HECTD2: variants seen among roughly 807,000 people sequenced by gnomAD.
The protein encoded by HECTD2 is HECT domain E3 ubiquitin protein ligase 2, also known as probable E3 ubiquitin-protein ligase HECTD2.
In HECTD2, 35 loss-of-function variants were observed where a neutral mutation model predicts 103.2. That is an observed-to-expected ratio of 0.34 (90% CI 0.26 to 0.45). HECTD2 has a LOEUF of 0.45. Among genes scored for constraint, HECTD2 ranks in the 20% least tolerant of loss-of-function variants. The pLI, the probability that HECTD2 is intolerant of heterozygous loss-of-function variation, is 1.00. For synonymous variants in HECTD2, 281 were observed against 329.9 expected, an observed-to-expected ratio of 0.85 and a Z score of 1.61; for missense variants, 596 against 937.4, an observed-to-expected ratio of 0.64 and a Z score of 4.76.
chr10:91,468,776 A>T (rs552554241), intron 5 of HECTD2, among the ~76,000 whole-genome samples: 19 of 152,140 alleles, frequency 1.2e-4, no homozygotes, highest in East Asian at 1.2e-3. Context: ...ACAAAAAAAA[A>T]TTTTTTTAAG....
chr10:91,494,507 GTCTT>G (rs1292082110), intron 14 of HECTD2, among the ~76,000 whole-genome samples: 1 of 151,962 alleles, frequency 6.6e-6, no homozygotes, highest in African/African-American at 2.4e-5. Context: ...TTGAATGTCT[GTCTT>G]TGTTACATCT....
intron 8 of HECTD2, among the ~76,000 whole-genome samples, chr10:91,483,800 GT>G (rs532422836): frequency 6.6e-6 from 1 of 151,464 alleles, no homozygotes; most frequent in Non-Finnish European, 1.5e-5. Flanking sequence ...CTTTATGAGT[GT>G]TTTTTTTAAA....
intron 7 of HECTD2, among the ~76,000 whole-genome samples, chr10:91,481,840 C>G (rs917320254): frequency 1.3e-5 from 2 of 151,218 alleles, no homozygotes; most frequent in Non-Finnish European, 1.5e-5. Context: ...GTAAGGAAAA[C>G]TATATTAAAT....
chr10:91,499,988 G>A (rs1312000905), intron 18 of HECTD2, among the ~76,000 whole-genome samples: 7 of 152,180 alleles, frequency 4.6e-5, no homozygotes, highest in Non-Finnish European at 1.0e-4. Flanking sequence ...AATTGTGGGA[G>A]TGGACAGAGG....
intron 9 of HECTD2, 79 bp from the exon 10 acceptor site, chr10:91,485,101 A>T: frequency 1.0e-6 from 1 of 996,296 alleles, no homozygotes; most frequent in African/African-American, 1.7e-5. Flanking sequence ...TCTTGTAGAC[A>T]TTAAAATGAT....
Position 91,505,144 on chromosome 10 carries a change from A to T in HECTD2, c.2210+3810A>T, listed in dbSNP as rs1847098713. On this transcript the variant is annotated intron_variant, in intron 20 of 20. Coordinates refer to ENST00000298068, the MANE Select transcript of HECTD2 (RefSeq NM_182765.6). ...GAAGCACTAAACATGGAAAGGAACA[A>T]CCGGTACCAGCCGCTGCAAAATCAT... Among the ~76,000 whole-genome samples, 3 of 152,182 alleles carry T rather than the reference A, an allele frequency of 2.0e-5. No individual in the cohort carries two copies. The South Asian group carries it at 6.3e-4, about 32-fold the overall frequency.
At position 91,460,479 on chromosome 10, in the gene HECTD2, T is replaced by A. The variant is rs771503582; in HGVS notation, c.321T>A (p.Ser107=). The change falls in exon 3 of 21, where the codon TCT becomes TCA. Residue 107 remains serine, a synonymous_variant. Transcript: ENST00000298068. The part of the protein sequence containing the change: ...CLDVRQKQRT[S]MDASSSEMKA... ...ATGTTAGACAAAAACAGCGTACATC[T>A]ATGGATGCATCATCATCCGAAATGA... 14 of 1,612,746 alleles carry A rather than the reference T, an allele frequency of 8.7e-6. No individual in the cohort carries two copies. The South Asian group carries it at 1.4e-4, about 16-fold the overall frequency.
intron 19 of HECTD2, 145 bp from the exon 20 acceptor site, chr10:91,501,046 G>T: frequency 1.6e-6 from 1 of 625,468 alleles, no homozygotes; most frequent in East Asian, 3.0e-5. Context: ...TACGTATATA[G>T]AAGCTCACCA....
At chr10:91,424,881 A>G (rs1843497753) in intron 1 of HECTD2, among the ~76,000 whole-genome samples, 1 of 152,106 alleles carries the variant, frequency 6.6e-6, no homozygotes, top group African/African-American at 2.4e-5. Flanking sequence ...TATCACATGC[A>G]TCCTATTTAT....
At chr10:91,492,577 A>G in intron 13 of HECTD2, 93 bp downstream of exon 13, 6 of 997,242 alleles carry the variant, frequency 6.0e-6, no homozygotes, top group South Asian at 1.5e-5. Flanking sequence ...CTGTGATTTT[A>G]CAGACTTTTT....
chr10:91,434,332 T>G (rs1336698758), intron 2 of HECTD2, among the ~76,000 whole-genome samples: 2 of 152,048 alleles, frequency 1.3e-5, no homozygotes, highest in African/African-American at 4.8e-5. Flanking sequence ...ACCAAAGTAC[T>G]AAACTGATAC....
chr10:91,470,746 C>A (rs941268631), intron 5 of HECTD2, among the ~76,000 whole-genome samples: 2 of 151,864 alleles, frequency 1.3e-5, no homozygotes, highest in African/African-American at 4.8e-5. Flanking sequence ...AATGGAAACC[C>A]TAAACAGACC....
intron 20 of HECTD2, among the ~76,000 whole-genome samples, chr10:91,511,099 C>T (rs931255420): frequency 2.6e-5 from 4 of 152,174 alleles, no homozygotes; most frequent in African/African-American, 9.6e-5. Flanking sequence ...ATTCAGGGGG[C>T]TCTCAAAATT....
chr10:91,486,048 C>T (rs1846255274), intron 10 of HECTD2: 1 of 152,054 alleles, frequency 6.6e-6, no homozygotes, highest in Non-Finnish European at 1.5e-5. Context: ...CATAATTTAT[C>T]CTCAGGTCAT....
At chr10:91,504,700 T>G (rs1352432461) in intron 20 of HECTD2, among the ~76,000 whole-genome samples, 113 of 144,718 alleles carry the variant, frequency 7.8e-4, no homozygotes, top group South Asian at 2.2e-3. Flanking sequence ...TGGAAAACAC[T>G]CTGCAGGATA....
chr10:91,482,236 C>A (rs1846114375), intron 7 of HECTD2, among the ~76,000 whole-genome samples: 2 of 151,850 alleles, frequency 1.3e-5, no homozygotes, highest in African/African-American at 4.8e-5. Context: ...TTTTGAAAAA[C>A]ACATGGTGCT....
In HECTD2 at chr10:91,474,619, TAGTC is replaced by T. The variant is rs542950402; in HGVS notation, c.601-3578_601-3575del. ...TTAAGTATGCAAAGAGTTGAGCAGT[TAGTC>T]AGTGAGTATGTATTGTCTTGGTGTT... is the stretch of plus-strand genomic sequence containing the variant. On this transcript the variant is annotated intron_variant, in intron 5 of 20. Transcript: ENST00000298068. Among the ~76,000 whole-genome samples, 601 of 152,290 alleles carry T rather than the reference TAGTC, an allele frequency of 3.9e-3. 1 individual carries two copies. Among genetic ancestry groups the T allele is most frequent in the Non-Finnish European group, 3.0e-3 (201 of 68,028 alleles).
At chr10:91,415,136 A>G (rs1054905206) in intron 1 of HECTD2, among the ~76,000 whole-genome samples, 1 of 152,022 alleles carries the variant, frequency 6.6e-6, no homozygotes, top group Non-Finnish European at 1.5e-5. Flanking sequence ...AGAAAGATTA[A>G]TAAAGGAAAA....
chr10:91,498,834 T>C (rs1846782594), intron 16 of HECTD2, 38 bp from the exon 17 acceptor site: 1 of 1,216,650 alleles, frequency 8.2e-7, no homozygotes, highest in African/African-American at 1.5e-5. Flanking sequence ...TGTTATTATA[T>C]CAACCATATT....
Sources: allele counts gnomAD v4.1 joint callset (sites outside exome capture counted in the v4.1 genomes callset), GRCh38; gene constraint gnomAD v4.1.1; transcripts MANE v1.5; gene names NCBI Gene and HGNC (gene_info 2026-07-23, HGNC 2026-07-21).